The following CSMD1 variants were observed in gnomAD, a reference collection of about 807,000 sequenced individuals.
CSMD1 encodes the protein CUB and sushi domain-containing protein 1.
CSMD1 carries 213 observed loss-of-function variants against 417.5 expected under a neutral mutation model. That is an observed-to-expected ratio of 0.51 (90% confidence interval 0.46 to 0.57). The LOEUF (loss-of-function observed/expected upper bound fraction) is 0.57, where lower values mean the gene tolerates loss of function less well. Among genes scored for constraint, CSMD1 ranks in the 20% least tolerant of loss-of-function variants. CSMD1 has a pLI of 0.00. For synonymous variants in CSMD1, 2,862 were observed against 1,736.8 expected, an observed-to-expected ratio of 1.65 and a Z score of -16.11; for missense variants, 6,923 against 4,529.7, an observed-to-expected ratio of 1.53 and a Z score of -15.17.
intron 33 of CSMD1, among the ~76,000 whole-genome samples, chr8:3,199,432 TGAAGAGCTACA>T (rs1796872442): frequency 6.6e-6 from 1 of 152,174 alleles, no homozygotes; most frequent in Non-Finnish European, 1.5e-5. Flanking sequence ...TTACGAGATG[TGAAGAGCTACA>T]GAAAGGTAAT....
chr8:3,695,428 C>T (rs373939220), intron 7 of CSMD1, among the ~76,000 whole-genome samples: 1 of 152,144 alleles, frequency 6.6e-6, no homozygotes, highest in East Asian at 1.9e-4. Flanking sequence ...TCCAATTAAT[C>T]CTCTTGGTAG....
At chr8:3,392,165 G>C (rs952128569) in intron 17 of CSMD1, among the ~76,000 whole-genome samples, 1 of 150,942 alleles carries the variant, frequency 6.6e-6, no homozygotes, top group Non-Finnish European at 1.5e-5. Flanking sequence ...TAAATGATGA[G>C]TTAATGGGTG....
intron 7 of CSMD1, among the ~76,000 whole-genome samples, chr8:3,694,879 C>T (rs924361551): frequency 3.3e-5 from 5 of 151,996 alleles, no homozygotes; most frequent in Non-Finnish European, 7.4e-5. Context: ...TAGAAACCTG[C>T]TGGATTCATT....
chr8:3,762,745 G>T (rs79975260), intron 5 of CSMD1, among the ~76,000 whole-genome samples: 1 of 152,126 alleles, frequency 6.6e-6, no homozygotes, highest in Non-Finnish European at 1.5e-5. Context: ...GCCACAGCTC[G>T]GCTTGGTTTA....
intron 3 of CSMD1, among the ~76,000 whole-genome samples, chr8:4,175,118 T>C (rs994615090): frequency 1.3e-5 from 2 of 152,016 alleles, no homozygotes; most frequent in Admixed American, 6.6e-5. Context: ...AGAATAATAA[T>C]ATCTGAGGAA....
chr8:4,949,019 G>C (rs1012306292), intron 1 of CSMD1, among the ~76,000 whole-genome samples: 1 of 152,060 alleles, frequency 6.6e-6, no homozygotes, highest in Non-Finnish European at 1.5e-5. Context: ...TTTGCTAAAT[G>C]TCTTTATCCT....
chr8:3,083,586 C>G (rs1298284113), intron 49 of CSMD1, among the ~76,000 whole-genome samples: 4 of 122,562 alleles, frequency 3.3e-5, no homozygotes, highest in Non-Finnish European at 6.4e-5. Context: ...TGCTCTCCAT[C>G]CACGGTGACA....
chr8:4,827,415 G>A (rs946856322), intron 1 of CSMD1, among the ~76,000 whole-genome samples: 3 of 152,142 alleles, frequency 2.0e-5, no homozygotes, highest in Non-Finnish European at 4.4e-5. Context: ...TCTGGATGAA[G>A]AGAAAAGCTC....
intron 6 of CSMD1, among the ~76,000 whole-genome samples, chr8:3,736,976 C>T (rs1796554158): frequency 6.6e-6 from 1 of 152,186 alleles, no homozygotes; most frequent in South Asian, 2.1e-4. Context: ...CCTGTCATTT[C>T]CTCCCAGGAT....
intron 3 of CSMD1, among the ~76,000 whole-genome samples, chr8:4,112,394 A>C (rs1364588476): frequency 1.3e-5 from 2 of 152,190 alleles, no homozygotes; most frequent in African/African-American, 2.4e-5. Context: ...AAATGCCCTG[A>C]CAAGGCTGAG....
intron 31 of CSMD1, among the ~76,000 whole-genome samples, chr8:3,203,730 C>T (rs377163967): frequency 3.3e-5 from 5 of 152,284 alleles, no homozygotes; most frequent in South Asian, 2.1e-4. Flanking sequence ...ATGTTTATCA[C>T]GATACTAACA....
At chr8:3,820,184 TG>T (rs1158960117) in intron 5 of CSMD1, among the ~76,000 whole-genome samples, 1 of 152,202 alleles carries the variant, frequency 6.6e-6, no homozygotes, top group Non-Finnish European at 1.5e-5. Flanking sequence ...TCCAAAGTGC[TG>T]GGTGCTATAT....
intron 3 of CSMD1, among the ~76,000 whole-genome samples, chr8:4,404,042 A>G (rs764368828): frequency 1.3e-5 from 2 of 152,148 alleles, no homozygotes; most frequent in Admixed American, 6.6e-5. Context: ...ATACATCCAG[A>G]CTTATCCAAA....
At chr8:3,438,055 T>G (rs971857326) in intron 12 of CSMD1, among the ~76,000 whole-genome samples, 1 of 152,224 alleles carries the variant, frequency 6.6e-6, no homozygotes, top group African/African-American at 2.4e-5. Context: ...AAGAATTAAG[T>G]ATCCATAGAA....
chr8:4,204,335 T>A (rs1273668878), intron 3 of CSMD1, among the ~76,000 whole-genome samples: 1 of 152,104 alleles, frequency 6.6e-6, no homozygotes, highest in Non-Finnish European at 1.5e-5. Flanking sequence ...TTTAAAAATG[T>A]CCTATTTCCA....
At chr8:3,357,501 A>G (rs536845179) in intron 21 of CSMD1, among the ~76,000 whole-genome samples, 1 of 152,340 alleles carries the variant, frequency 6.6e-6, no homozygotes, top group South Asian at 2.1e-4. Flanking sequence ...TTCCAACTCT[A>G]GTTACTGAGT....
chr8:3,332,874 G>A (rs1250003812), intron 23 of CSMD1, among the ~76,000 whole-genome samples: 1 of 152,196 alleles, frequency 6.6e-6, no homozygotes, highest in Admixed American at 6.5e-5. Flanking sequence ...GACTTGAGCT[G>A]ACAACTGAAC....
chr8:3,738,404 T>C (rs1434442945), intron 6 of CSMD1, among the ~76,000 whole-genome samples: 1 of 152,232 alleles, frequency 6.6e-6, no homozygotes, highest in Non-Finnish European at 1.5e-5. Flanking sequence ...AAAATATGCA[T>C]GGTGGTTGTC....
intron 3 of CSMD1, among the ~76,000 whole-genome samples, chr8:4,179,098 A>C (rs1328199630): frequency 1.3e-5 from 2 of 152,190 alleles, no homozygotes; most frequent in Non-Finnish European, 2.9e-5. Context: ...ATATGGAAAC[A>C]AAAAAGAGCC....
Sources: gnomAD v4.1 joint callset for allele counts (sites outside exome capture counted in the v4.1 genomes callset) on GRCh38, gnomAD v4.1.1 for gene constraint, MANE v1.5 for transcripts, NCBI Gene and HGNC (gene_info 2026-07-23, HGNC 2026-07-21) for gene names.